The following FEZ1 variants were observed in gnomAD, a reference collection of about 807,000 sequenced individuals.
FEZ1 encodes the protein fasciculation and elongation protein zeta 1.
Under a neutral mutation model 49.3 loss-of-function variants are expected in FEZ1, and 20 were observed. The observed-to-expected ratio is 0.41, with a 90% CI of 0.29 to 0.59. The LOEUF is 0.59. Ranked by LOEUF, FEZ1 falls within the 20% of genes least tolerant of loss-of-function variation. The pLI is 0.36. For missense variants in FEZ1, 413 were observed against 476.0 expected, an observed-to-expected ratio of 0.87 and a Z score of 1.23; for synonymous variants, 170 against 180.9, an observed-to-expected ratio of 0.94 and a Z score of 0.48.
At chr11:125,456,808 T>A (rs1205424823) in intron 5 of FEZ1, among the ~76,000 whole-genome samples, 1 of 152,218 alleles carries the variant, frequency 6.6e-6, no homozygotes, top group Non-Finnish European at 1.5e-5. Context: ...GATATTTTAT[T>A]CCAAATTTTT....
At chr11:125,467,171 C>G (rs1400704141) in intron 3 of FEZ1, among the ~76,000 whole-genome samples, 1 of 151,896 alleles carries the variant, frequency 6.6e-6, no homozygotes, top group Non-Finnish European at 1.5e-5. Flanking sequence ...GTAGCTGGGA[C>G]TACAGGCAGG....
At chr11:125,484,749 T>C (rs1424435424) in intron 2 of FEZ1, among the ~76,000 whole-genome samples, 1 of 151,540 alleles carries the variant, frequency 6.6e-6, no homozygotes, top group Non-Finnish European at 1.5e-5. Flanking sequence ...TCCTGAACAT[T>C]GTGTTTTCAT....
At chr11:125,493,172 C>CAAAAA (rs576444823) in intron 1 of FEZ1, among the ~76,000 whole-genome samples, 3 of 134,878 alleles carry the variant, frequency 2.2e-5, no homozygotes, top group African/African-American at 8.3e-5. Context: ...ACTAAAAATA[C>CAAAAA]AAAAAAAAAA....
At chr11:125,455,663 G>A in intron 6 of FEZ1, 172 bp downstream of exon 6, 1 of 708,706 alleles carries the variant, frequency 1.4e-6, no homozygotes, top group Admixed American at 2.0e-5. Context: ...TTGGGGGAGT[G>A]GAGGAGATAG....
At chr11:125,494,904 C>T (rs187996757) in intron 1 of FEZ1, among the ~76,000 whole-genome samples, 183 of 152,212 alleles carry the variant, frequency 1.2e-3, no homozygotes, top group Admixed American at 8.7e-3. Flanking sequence ...ACACAAGCCC[C>T]ATTCCATCTC....
At chr11:125,457,362 T>G (rs1957020379) in intron 5 of FEZ1, among the ~76,000 whole-genome samples, 1 of 133,422 alleles carries the variant, frequency 7.5e-6, no homozygotes, top group African/African-American at 2.8e-5. Flanking sequence ...GGCCAGGAGT[T>G]CGAGACCAGC....
intron 6 of FEZ1, 145 bp from the exon 7 acceptor site, chr11:125,454,355 G>T: frequency 1.9e-6 from 1 of 528,530 alleles, no homozygotes; most frequent in Non-Finnish European, 3.3e-6. Flanking sequence ...GGCTTACAGA[G>T]ACAGGCCAGA....
intron 2 of FEZ1, among the ~76,000 whole-genome samples, chr11:125,485,153 T>C (rs1957315820): frequency 6.6e-6 from 1 of 152,196 alleles, no homozygotes; most frequent in African/African-American, 2.4e-5. Flanking sequence ...GTTGCCTCAG[T>C]TCCTATCATT....
chr11:125,463,511 G>T lies in FEZ1; in HGVS notation c.471C>A (p.Asn157Lys), dbSNP rs148401183. 1.2e-6 allele frequency: 2 copies of T among 1,609,280 alleles called. No homozygotes were observed. Among genetic ancestry groups the T allele is most frequent in the African/African-American group, 1.3e-5 (1 of 74,912 alleles). ...NEKSENDSGI[N>K]EEPLLTADQV... ...GATCTGCTGTGAGCAGAGGCTCCTC[G>T]TTGATACCGGAATCATTTTCACTCT... The change falls in exon 4 of 10, where the codon AAC becomes AAA. Residue 157 changes from asparagine (N) to lysine (K), a missense_variant. Physicochemically the swap from Asn to Lys is moderately conservative, Grantham distance 94. Coordinates refer to ENST00000278919, the MANE Select transcript of FEZ1 (RefSeq NM_005103.5).
intron 2 of FEZ1, among the ~76,000 whole-genome samples, chr11:125,488,151 T>C (rs181259426): frequency 5.9e-5 from 9 of 152,328 alleles, no homozygotes; most frequent in African/African-American, 2.2e-4. Flanking sequence ...CTCGGTTATC[T>C]GCTGTACAGT....
At chr11:125,469,097 C>T (rs546213431) in intron 3 of FEZ1, 33 of 152,402 alleles carry the variant, frequency 2.2e-4, no homozygotes, top group Non-Finnish European at 4.4e-4. Flanking sequence ...AGGACACTGG[C>T]AGCTGGTTTA....
rs1306272327 is a variant in FEZ1, at chr11:125,457,433, T to A, written c.668-1327A>T. 5.7e-3 allele frequency among the ~76,000 whole-genome samples: 235 copies of A among 41,146 alleles called. 1 individual carries two copies. Among genetic ancestry groups the A allele is most frequent in the Middle Eastern group, 0.012 (1 of 84 alleles). The allele number at this position is 41,146 out of a possible 152,430, so 27.0% of individuals were successfully genotyped here. A position where few individuals can be genotyped will look rare whatever the true frequency, so the allele number is the denominator to read the frequency against. On this transcript the variant is annotated intron_variant, in intron 5 of 9. Transcript: ENST00000278919. ...AAAAAAAAAAAAAAAAAAAAAAATA[T>A]ATATATATATATATATATGTATATA...
At chr11:125,474,117 C>A (rs1009320721) in intron 3 of FEZ1, among the ~76,000 whole-genome samples, 2 of 151,398 alleles carry the variant, frequency 1.3e-5, no homozygotes, top group East Asian at 2.0e-4. Context: ...CTCTGCCTCC[C>A]GGGTTCAAGC....
chr11:125,479,964 CA>C (rs1347406593), intron 3 of FEZ1, among the ~76,000 whole-genome samples: 1 of 152,178 alleles, frequency 6.6e-6, no homozygotes, highest in Admixed American at 6.5e-5. Context: ...CAAATCAACT[CA>C]AAATAAATAT....
chr11:125,465,325 C>A (rs1369308156), intron 3 of FEZ1, among the ~76,000 whole-genome samples: 2 of 152,146 alleles, frequency 1.3e-5, no homozygotes, highest in Non-Finnish European at 2.9e-5. Flanking sequence ...CTTCTTTCAA[C>A]TATATCATCT....
chr11:125,489,200 GA>G lies in FEZ1; in HGVS notation c.311+266del. ...AGAAAGCTTAAGATAGACAGACCCT[GA>G]AATTTACTGTGCTCCTGAAATTCCA... On this transcript the variant is annotated intron_variant, in intron 2 of 9. Coordinates refer to ENST00000278919, the MANE Select transcript of FEZ1 (RefSeq NM_005103.5). This position sits in a 1 kb window ranked among gnomAD's most constrained non-coding sequence, Gnocchi z 4.2. 1 of 1,122,494 alleles carries G rather than the reference GA, an allele frequency of 8.9e-7. No individual in the cohort carries two copies. The allele number at this position is 1,122,494 out of a possible 1,614,324, so 69.5% of individuals were successfully genotyped here. A position where few individuals can be genotyped will look rare whatever the true frequency, so the allele number is the denominator to read the frequency against.
At position 125,460,503 on chromosome 11, in the gene FEZ1, T is replaced by A. The variant is rs778568238; in HGVS notation, c.662A>T (p.Tyr221Phe). The change falls in exon 5 of 10, where the codon TAT becomes TTT. Residue 221 changes from tyrosine (Y) to phenylalanine (F), a missense_variant. Tyr to Phe is a conservative substitution (Grantham distance 22, BLOSUM62 3). Coordinates refer to ENST00000278919, the MANE Select transcript of FEZ1 (RefSeq NM_005103.5). The part of the protein sequence containing the change: ...LTQTFNNNWS[Y>F]EGLRHMSGSE... Reference sequence around the variant, plus strand: ...CCAGCGCCCAGGGCCCTCACCTTCATAGGACCAGTTGTTGTTGAAGGTCTG... The same window carrying A: ...CCAGCGCCCAGGGCCCTCACCTTCAAAGGACCAGTTGTTGTTGAAGGTCTG... The A allele has an allele frequency of 6.2e-7, 1 of 1,613,778 alleles. No homozygotes were observed. Among genetic ancestry groups the A allele is most frequent in the Non-Finnish European group, 8.5e-7 (1 of 1,179,884 alleles).
rs186142709 is a variant in FEZ1, at chr11:125,465,308, A to G, written c.412-1738T>C. ...TAGTGGGTTTAACTCCCTGACTGTT[A>G]ATATTGCTTCTTTCAACTATATCAT... On this transcript the variant is annotated intron_variant, in intron 3 of 9. Coordinates refer to ENST00000278919, the MANE Select transcript of FEZ1 (RefSeq NM_005103.5). Among the ~76,000 whole-genome samples the G allele has an allele frequency of 1.8e-3, 277 of 152,196 alleles. 6 individuals carry two copies. The highest frequency in any genetic ancestry group is 4.9e-3 in the African/African-American group (202 of 41,524).
intron 3 of FEZ1, among the ~76,000 whole-genome samples, chr11:125,471,826 T>C (rs916169493): frequency 2.0e-5 from 3 of 152,130 alleles, no homozygotes; most frequent in Non-Finnish European, 4.4e-5. Flanking sequence ...TCATTTCCAA[T>C]GGCATATATT....
Sources: allele counts gnomAD v4.1 joint callset (sites outside exome capture counted in the v4.1 genomes callset), GRCh38; gene constraint gnomAD v4.1.1; non-coding constraint Gnocchi (gnomAD v3.1); transcripts MANE v1.5; gene names NCBI Gene and HGNC (gene_info 2026-07-23, HGNC 2026-07-21).